ADCY2: variants seen among roughly 807,000 people sequenced by gnomAD.
ADCY2 encodes the protein adenylate cyclase type 2.
In ADCY2, 31 loss-of-function variants were observed where a neutral mutation model predicts 125.2. That is an observed-to-expected ratio of 0.25 (90% confidence interval 0.19 to 0.33). The LOEUF is 0.33. Ranked by LOEUF, ADCY2 falls within the 10% of genes least tolerant of loss-of-function variation. The pLI is 1.00. For synonymous variants in ADCY2, 512 were observed against 548.4 expected, an observed-to-expected ratio of 0.93 and a Z score of 0.93; for missense variants, 904 against 1,418.2, an observed-to-expected ratio of 0.64 and a Z score of 5.82.
chr5:7,477,346 T>C (rs549338565), intron 2 of ADCY2, among the ~76,000 whole-genome samples: 1 of 152,372 alleles, frequency 6.6e-6, no homozygotes, highest in Admixed American at 6.5e-5. Context: ...CTTTAGAGTA[T>C]TGTCTGCATA....
intron 2 of ADCY2, among the ~76,000 whole-genome samples, chr5:7,454,136 G>A (rs1485295765): frequency 2.6e-5 from 4 of 152,118 alleles, no homozygotes; most frequent in Non-Finnish European, 5.9e-5. Flanking sequence ...CCCTGTTCAT[G>A]TCTGACCAGC....
At chr5:7,676,833 A>G (rs2126710305) in intron 4 of ADCY2, among the ~76,000 whole-genome samples, 1 of 152,306 alleles carries the variant, frequency 6.6e-6, no homozygotes, top group Middle Eastern at 3.4e-3. Flanking sequence ...AGAGAAATAT[A>G]TTGAATATAG....
intron 4 of ADCY2, among the ~76,000 whole-genome samples, chr5:7,645,010 A>G (rs1480628906): frequency 2.0e-5 from 3 of 152,180 alleles, no homozygotes; most frequent in Non-Finnish European, 4.4e-5. Context: ...TGTCCTTGTT[A>G]TGAGCATGGC....
intron 2 of ADCY2, among the ~76,000 whole-genome samples, chr5:7,435,123 G>C (rs1009741901): frequency 2.0e-5 from 3 of 152,198 alleles, no homozygotes; most frequent in African/African-American, 7.2e-5. Context: ...AATCCGAGGA[G>C]TATCACTGTC....
chr5:7,556,511 A>G lies in ADCY2; in HGVS notation c.570+35612A>G, dbSNP rs148679514. On this transcript the variant is annotated intron_variant, in intron 3 of 24. Coordinates refer to ENST00000338316, the MANE Select transcript of ADCY2 (RefSeq NM_020546.3). Reference sequence around the variant, plus strand: ...CAGTATGTCAAGCTTTAATTCTGCCAGTGGTAACTTTTTTCATACGGGAAG... The same window carrying G: ...CAGTATGTCAAGCTTTAATTCTGCCGGTGGTAACTTTTTTCATACGGGAAG... Among the ~76,000 whole-genome samples the G allele has an allele frequency of 3.3e-3, 507 of 152,342 alleles. 8 individuals carry two copies. The highest frequency in any genetic ancestry group is 0.012 in the African/African-American group (485 of 41,570).
At chr5:7,689,307 C>G (rs1489949923) in intron 4 of ADCY2, among the ~76,000 whole-genome samples, 1 of 152,098 alleles carries the variant, frequency 6.6e-6, no homozygotes, top group Non-Finnish European at 1.5e-5. Context: ...AGAGCAGTCT[C>G]TGCAGCCTTC....
At chr5:7,479,587 A>G (rs1561048188) in intron 2 of ADCY2, among the ~76,000 whole-genome samples, 1 of 152,080 alleles carries the variant, frequency 6.6e-6, no homozygotes, top group Non-Finnish European at 1.5e-5. Context: ...TGTGTTACAA[A>G]CAATCAAATT....
At chr5:7,413,099 G>T (rs1739787735) in intron 1 of ADCY2, among the ~76,000 whole-genome samples, 1 of 152,148 alleles carries the variant, frequency 6.6e-6, no homozygotes, top group African/African-American at 2.4e-5. Context: ...ACTCCGTGTG[G>T]ATTTTTGGCT....
intron 13 of ADCY2, among the ~76,000 whole-genome samples, chr5:7,726,812 A>G (rs578072170): frequency 6.6e-6 from 1 of 152,344 alleles, no homozygotes; most frequent in South Asian, 2.1e-4. Flanking sequence ...CAGTAGTCAT[A>G]GACAACAGAC....
chr5:7,701,022 T>G (rs1741060226), intron 7 of ADCY2, among the ~76,000 whole-genome samples: 1 of 152,086 alleles, frequency 6.6e-6, no homozygotes, highest in African/African-American at 2.4e-5. Context: ...TTTTCAAAAG[T>G]AAGTAACTAC....
rs985616743 is a variant in ADCY2 at position 7,740,266 on chromosome 5, G to T, written c.1872-3402G>T. Reference sequence around the variant, plus strand: ...AAAAGTATTCAGCATTTAAAAAAAAGATTTTTATTATGATTCAGGCAACAA... The same window carrying T: ...AAAAGTATTCAGCATTTAAAAAAAATATTTTTATTATGATTCAGGCAACAA... On this transcript the variant is annotated intron_variant, in intron 14 of 24. Coordinates refer to ENST00000338316, the MANE Select transcript of ADCY2 (RefSeq NM_020546.3). Among the ~76,000 whole-genome samples the T allele has an allele frequency of 1.3e-5, 2 of 152,052 alleles. 1 individual carries two copies. The highest frequency in any genetic ancestry group is 1.3e-4 in the Admixed American group (2 of 15,280).
intron 3 of ADCY2, among the ~76,000 whole-genome samples, chr5:7,545,704 A>G (rs1356900844): frequency 6.6e-6 from 1 of 152,206 alleles, no homozygotes; most frequent in Non-Finnish European, 1.5e-5. Flanking sequence ...TCTGAAGGTC[A>G]TTCTGACAGT....
rs550414811 is a variant in ADCY2 at position 7,442,536 on chromosome 5, T to A, written c.408+27766T>A. Among the ~76,000 whole-genome samples, 12 of 152,284 alleles carry A rather than the reference T, an allele frequency of 7.9e-5. No individual in the cohort carries two copies. In the South Asian group the frequency reaches 2.5e-3, roughly 32 times the overall value. ...GAGATAGCGTGTCTTTCTGTCCCAG[T>A]CTTCCTGGGACTGAGATAGATCAGT... On this transcript the variant is annotated intron_variant, in intron 2 of 24. Coordinates refer to ENST00000338316, the MANE Select transcript of ADCY2 (RefSeq NM_020546.3).
intron 3 of ADCY2, among the ~76,000 whole-genome samples, chr5:7,616,360 C>T (rs1430320819): frequency 6.6e-6 from 1 of 152,156 alleles, no homozygotes; most frequent in Admixed American, 6.5e-5. Context: ...CTCTGAGAAC[C>T]TAGTGGCTGC....
chr5:7,580,535 A>T (rs551819921), intron 3 of ADCY2, among the ~76,000 whole-genome samples: 1 of 152,338 alleles, frequency 6.6e-6, no homozygotes, highest in Admixed American at 6.5e-5. Context: ...AAATTATCTA[A>T]TCTGAAGAAC....
intron 4 of ADCY2, among the ~76,000 whole-genome samples, chr5:7,681,796 G>A (rs558559499): frequency 4.6e-5 from 7 of 152,156 alleles, no homozygotes; most frequent in Non-Finnish European, 8.8e-5. Context: ...AAAAAAAGGG[G>A]GGCCATTGTC....
At chr5:7,484,388 G>C (rs1742848404) in intron 2 of ADCY2, among the ~76,000 whole-genome samples, 1 of 152,136 alleles carries the variant, frequency 6.6e-6, no homozygotes, top group Non-Finnish European at 1.5e-5. Context: ...CATCTTCCCA[G>C]GGAAAATAAT....
intron 7 of ADCY2, among the ~76,000 whole-genome samples, chr5:7,703,431 C>A (rs1561176864): frequency 2.0e-5 from 3 of 151,740 alleles, no homozygotes; most frequent in Non-Finnish European, 4.4e-5. Flanking sequence ...CCAGTTTCGG[C>A]TTTCTACATA....
chr5:7,572,592 G>T (rs370617520), intron 3 of ADCY2, among the ~76,000 whole-genome samples: 2 of 151,974 alleles, frequency 1.3e-5, no homozygotes, highest in Admixed American at 6.6e-5. Context: ...CCATTCTGTA[G>T]GTTGTCTGTT....
Sources: allele counts gnomAD v4.1 joint callset (sites outside exome capture counted in the v4.1 genomes callset), GRCh38; gene constraint gnomAD v4.1.1; transcripts MANE v1.5; gene names NCBI Gene and HGNC (gene_info 2026-07-23, HGNC 2026-07-21).